WRNIP1: variants seen among roughly 807,000 people sequenced by gnomAD.
The protein encoded by WRNIP1 is ATPase WRNIP1.
Under a neutral mutation model 56.1 loss-of-function variants are expected in WRNIP1, and 41 were observed. That is an observed-to-expected ratio of 0.73 (90% CI 0.57 to 0.95). The LOEUF is 0.95. Ranked by LOEUF, WRNIP1 falls within the 40% of genes least tolerant of loss-of-function variation. The pLI is 0.00. For synonymous variants in WRNIP1, 547 were observed against 398.1 expected (o/e 1.37, Z -4.45); for missense variants, 1,170 against 939.4 (o/e 1.25, Z -3.21).
intron 3 of WRNIP1, among the ~76,000 whole-genome samples, chr6:2,771,191 A>G (rs895358124): frequency 1.3e-5 from 2 of 152,170 alleles, no homozygotes; most frequent in African/African-American, 4.8e-5. Context: ...CCCTGAGGCC[A>G]AGTTCTGGAG....
intron 1 of WRNIP1, among the ~76,000 whole-genome samples, chr6:2,768,415 G>C (rs1429457711): frequency 2.6e-5 from 4 of 152,222 alleles, no homozygotes; most frequent in African/African-American, 9.6e-5. Context: ...ATCTTAAAGA[G>C]TCACCCAAAA....
At chr6:2,772,947 G>T in intron 3 of WRNIP1, 1 of 983,966 alleles carries the variant, frequency 1.0e-6, no homozygotes, top group Non-Finnish European at 1.2e-6. Flanking sequence ...GGAAGCTATT[G>T]GTGTGCATTT....
intron 4 of WRNIP1, among the ~76,000 whole-genome samples, chr6:2,781,038 C>T (rs953966115): frequency 2.4e-4 from 36 of 152,242 alleles, no homozygotes; most frequent in Non-Finnish European, 3.8e-4. Flanking sequence ...CCAGGTCTTA[C>T]TGGTTCCCAA....
At chr6:2,779,597 G>T in intron 4 of WRNIP1, 105 bp downstream of exon 4, 1 of 1,207,928 alleles carries the variant, frequency 8.3e-7, no homozygotes, top group Non-Finnish European at 1.2e-6. Flanking sequence ...TTCCAGCTGG[G>T]TCCAGAGCAT....
intron 5 of WRNIP1, 111 bp downstream of exon 5, chr6:2,783,672 G>GCCCC: frequency 3.2e-6 from 1 of 314,198 alleles, no homozygotes; most frequent in Non-Finnish European, 6.0e-6. Context: ...GGGTGGGCGG[G>GCCCC]GGTAGCAGGA....
At chr6:2,768,932 T>C (rs1189477896) in intron 2 of WRNIP1, 50 bp downstream of exon 2, 1 of 1,542,342 alleles carries the variant, frequency 6.5e-7, no homozygotes, top group Non-Finnish European at 8.8e-7. Flanking sequence ...TCAAACAATA[T>C]AAAGTGTGTG....
At chr6:2,775,442 C>T (rs1561913230) in intron 3 of WRNIP1, among the ~76,000 whole-genome samples, 2 of 152,230 alleles carry the variant, frequency 1.3e-5, no homozygotes, top group Non-Finnish European at 2.9e-5. Context: ...AGTTATCACC[C>T]TGACCATGAA....
At chr6:2,766,977 C>T (rs755837376) in intron 1 of WRNIP1, among the ~76,000 whole-genome samples, 2 of 152,096 alleles carry the variant, frequency 1.3e-5, no homozygotes, top group African/African-American at 2.4e-5. Flanking sequence ...TTCTTATATT[C>T]TTGAGAATAT....
chr6:2,774,472 C>T (rs772172786), intron 3 of WRNIP1, among the ~76,000 whole-genome samples: 3 of 152,216 alleles, frequency 2.0e-5, no homozygotes, highest in Non-Finnish European at 2.9e-5. Context: ...CACATGGTGG[C>T]CTTCTTCTCT....
intron 3 of WRNIP1, among the ~76,000 whole-genome samples, chr6:2,771,348 T>C (rs1055419777): frequency 2.0e-5 from 3 of 152,178 alleles, no homozygotes; most frequent in African/African-American, 7.2e-5. Context: ...CATTGAAACA[T>C]TTGGCCCGTG....
chr6:2,765,542 C>A lies in WRNIP1; in HGVS notation c.-81C>A. On this transcript the variant is annotated 5_prime_UTR_variant, in exon 1 of 7. Coordinates refer to ENST00000380773, the MANE Select transcript of WRNIP1 (RefSeq NM_020135.3). Reference sequence around the variant, plus strand: ...CGAGCGAGGGTCTCGCGGCGCGGGGCCTAGCGGAGGGCATCGAAGGCCTCC... The same window carrying A: ...CGAGCGAGGGTCTCGCGGCGCGGGGACTAGCGGAGGGCATCGAAGGCCTCC... 7.4e-7 allele frequency: 1 copy of A among 1,350,352 alleles called. No individual in the cohort carries two copies. Among genetic ancestry groups the A allele is most frequent in the Non-Finnish European group, 9.4e-7 (1 of 1,058,814 alleles). 83.6% of individuals were successfully genotyped at this position (1,350,352 alleles called of 1,614,324 possible). A position where few individuals can be genotyped will look rare whatever the true frequency, so the allele number is the denominator to read the frequency against.
intron 5 of WRNIP1, 75 bp from the exon 6 acceptor site, chr6:2,784,247 CTG>C: frequency 1.4e-6 from 2 of 1,390,096 alleles, no homozygotes; most frequent in Non-Finnish European, 2.0e-6. Context: ...CAGTGGTGGT[CTG>C]TGGTCGCCTG....
At chr6:2,784,300 C>T (rs760435916) in intron 5 of WRNIP1, 24 bp from the exon 6 acceptor site, 1 of 1,608,248 alleles carries the variant, frequency 6.2e-7, no homozygotes, top group Non-Finnish European at 8.5e-7. Context: ...GACTGAAACT[C>T]TCCTTTGTCT....
At chr6:2,783,385 T>TGGTGCTCTTTGTGATGTCAGGTGA in intron 4 of WRNIP1, 21 bp from the exon 5 acceptor site, 1 of 1,567,704 alleles carries the variant, frequency 6.4e-7, no homozygotes, top group Non-Finnish European at 8.7e-7. Context: ...TCTGTGTGAG[T>TGGTGCTCTTTGTGATGTCAGGTGA]GGTGCTCTTT....
rs747948132 is a variant in WRNIP1 at position 2,779,278 on chromosome 6, A to G, written c.1272A>G (p.Ile424Met). The change falls in exon 4 of 7, where the codon ATA becomes ATG. Residue 424 changes from isoleucine to methionine, a missense_variant. Coordinates refer to ENST00000380773, the MANE Select transcript of WRNIP1 (RefSeq NM_020135.3). Reference sequence around the variant, plus strand: ...TGTGTTTCAGGCCCGCCATGTTCATAGAGGATAAAGCAGTAGACACCCTGG... The same window carrying G: ...TGTGTTTCAGGCCCGCCATGTTCATGGAGGATAAAGCAGTAGACACCCTGG... ...SNSSSEPAMF[I>M]EDKAVDTLAY... is the part of the protein sequence containing the mutation. 2.5e-6 allele frequency: 4 copies of G among 1,614,084 alleles called. No homozygotes were observed. Among genetic ancestry groups the G allele is most frequent in the African/African-American group, 2.7e-5 (2 of 74,930 alleles).
chr6:2,784,576 C>G (rs1327493638), intron 6 of WRNIP1, among the ~76,000 whole-genome samples, 173 bp downstream of exon 6: 2 of 152,084 alleles, frequency 1.3e-5, no homozygotes, highest in African/African-American at 2.4e-5. Flanking sequence ...AGAGGGAAAC[C>G]TTCTGTGTCA....
At chr6:2,773,604 T>G (rs1459650881) in intron 3 of WRNIP1, 9 of 985,338 alleles carry the variant, frequency 9.1e-6, no homozygotes, top group Non-Finnish European at 1.1e-5. Context: ...CTGGGTTAAT[T>G]TTGGAGGCCA....
chr6:2,768,565 C>T, intron 1 of WRNIP1, 126 bp from the exon 2 acceptor site: 2 of 653,108 alleles, frequency 3.1e-6, no homozygotes, highest in East Asian at 2.9e-5. Flanking sequence ...TTCTGTGCTG[C>T]TCAGCATTCT....
At chr6:2,782,996 A>G (rs566641662) in intron 4 of WRNIP1, among the ~76,000 whole-genome samples, 2 of 152,292 alleles carry the variant, frequency 1.3e-5, no homozygotes, top group East Asian at 1.9e-4. Context: ...TTGGCTCTAC[A>G]TCCTCCTGGC....
Sources: allele counts gnomAD v4.1 joint callset (sites outside exome capture counted in the v4.1 genomes callset), GRCh38; gene constraint gnomAD v4.1.1; transcripts MANE v1.5; gene names NCBI Gene and HGNC (gene_info 2026-07-23, HGNC 2026-07-21).